The following GAD1 variants were observed in gnomAD, a reference collection of about 807,000 sequenced individuals.
GAD1 encodes the protein glutamate decarboxylase 1.
GAD1 carries 35 observed loss-of-function variants against 75.2 expected under a neutral mutation model. The observed-to-expected ratio is 0.47, with a 90% CI of 0.36 to 0.62. GAD1 has a LOEUF of 0.62. GAD1 is among the 20% of genes least tolerant of loss of function. GAD1 has a pLI of 0.00. For synonymous variants in GAD1, 257 were observed against 271.9 expected (o/e 0.95, Z 0.54); for missense variants, 490 against 758.5 (o/e 0.65, Z 4.16).
chr2:170,831,764 TTTATATATAATATTTATATTATATA>T (rs1406169117), intron 5 of GAD1, among the ~76,000 whole-genome samples: 1 of 139,156 alleles, frequency 7.2e-6, no homozygotes, highest in Non-Finnish European at 1.6e-5. Context: ...TATATAAATA[TTTATATATAATATTTATATTATATA>T]TTATATATAA....
In GAD1 at chr2:170,829,471, A is replaced by G; in HGVS notation, c.146-4A>G. ...CTCTCTCTGACCAGCTTCTTGTGCC[A>G]TAGGCTTCTTGCAAAGGACCAACAG... is the stretch of plus-strand genomic sequence containing the variant. On this transcript the variant is annotated splice_region_variant and splice_polypyrimidine_tract_variant and intron_variant, in intron 3 of 16. Transcript: ENST00000358196. 2 of 1,612,258 alleles carry G rather than the reference A, an allele frequency of 1.2e-6. No individual in the cohort carries two copies. The highest frequency in any genetic ancestry group is 1.3e-5 in the African/African-American group (1 of 75,000).
rs779807853 is a variant in GAD1, at chr2:170,859,813, C to T, written c.1716C>T (p.Asn572=). 2 of 1,614,180 alleles carry T rather than the reference C, an allele frequency of 1.2e-6. No homozygotes were observed. The highest frequency in any genetic ancestry group is 2.2e-5 in the South Asian group (2 of 91,084). The change falls in exon 17 of 17, where the codon AAC becomes AAT. Residue 572 remains asparagine (N), a synonymous_variant. Transcript: ENST00000358196. The part of the protein sequence containing the change: ...KANFFRMVIS[N]PAATQSDIDF... ...ACTTCTTCCGGATGGTCATCTCCAA[C>T]CCAGCCGCTACCCAGTCTGACATTG...
chr2:170,859,394 C>G (rs1241644084), intron 16 of GAD1, among the ~76,000 whole-genome samples: 1 of 152,126 alleles, frequency 6.6e-6, no homozygotes, highest in Non-Finnish European at 1.5e-5. Flanking sequence ...CAGGCAGTAT[C>G]CTGGGCTCTG....
In GAD1 at chr2:170,829,483, C is replaced by G; in HGVS notation, c.154C>G (p.Gln52Glu). The change falls in exon 4 of 17, where the codon CAA (glutamine) becomes GAA (glutamate). Residue 52 changes from glutamine (Q) to glutamate (E), a missense_variant. Gln to Glu is a conservative substitution (Grantham distance 29). Coordinates refer to ENST00000358196, the MANE Select transcript of GAD1 (RefSeq NM_000817.3). ...KLGLKICGFL[Q>E]RTNSLEEKSR... is the part of the protein sequence containing the mutation. Reference sequence around the variant, plus strand: ...AGCTTCTTGTGCCATAGGCTTCTTGCAAAGGACCAACAGCCTGGAAGAGAA... The same window carrying G: ...AGCTTCTTGTGCCATAGGCTTCTTGGAAAGGACCAACAGCCTGGAAGAGAA... 6.2e-7 allele frequency: 1 copy of G among 1,605,260 alleles called. No homozygotes were observed. Among genetic ancestry groups the G allele is most frequent in the Non-Finnish European group, 8.5e-7 (1 of 1,175,292 alleles).
chr2:170,846,694 G>T (rs1375597274), intron 10 of GAD1, among the ~76,000 whole-genome samples: 1 of 152,230 alleles, frequency 6.6e-6, no homozygotes, highest in Non-Finnish European at 1.5e-5. Flanking sequence ...AAGGAGCAGA[G>T]GTGGAGCTGA....
At chr2:170,848,507 AAAAAAGAAAAAAG>A (rs1321133212) in intron 11 of GAD1, among the ~76,000 whole-genome samples, 1 of 151,868 alleles carries the variant, frequency 6.6e-6, no homozygotes, top group Non-Finnish European at 1.5e-5. Context: ...AAAAAAAAAA[AAAAAAGAAAAAAG>A]AAAAAGAATA....
chr2:170,822,260 T>G (rs1701907291), intron 3 of GAD1, 111 bp downstream of exon 3: 8 of 928,952 alleles, frequency 8.6e-6, no homozygotes, highest in Non-Finnish European at 1.2e-5. Context: ...GGGTCTGATT[T>G]TCTAATGTAA....
rs1357359850 is a variant in GAD1, at chr2:170,860,786, ACTGT to A, written c.*909_*912del. On this transcript the variant is annotated 3_prime_UTR_variant, in exon 17 of 17. Transcript: ENST00000358196. ...CTTAAAATAATGATTTAAGCATTTT[ACTGT>A]CTGTAAGAGAATTCTAAGATTGTAC... is the stretch of plus-strand genomic sequence containing the variant. The A allele has an allele frequency of 2.0e-5, 3 of 152,794 alleles. No individual in the cohort carries two copies. In the South Asian group the frequency reaches 6.2e-4, roughly 32 times the overall value. The allele number at this position is 152,794 out of a possible 1,614,324, so 9.5% of individuals were successfully genotyped here. A position where few individuals can be genotyped will look rare whatever the true frequency, so the allele number is the denominator to read the frequency against.
At chr2:170,842,988 C>T (rs974749468) in intron 6 of GAD1, among the ~76,000 whole-genome samples, 2 of 152,214 alleles carry the variant, frequency 1.3e-5, no homozygotes, top group Non-Finnish European at 2.9e-5. Flanking sequence ...AAAGCTTCCC[C>T]ATGTCACTTA....
chr2:170,815,800 C>T (rs986212778), upstream of GAD1, among the ~76,000 whole-genome samples: 1 of 152,196 alleles, frequency 6.6e-6, no homozygotes, highest in Non-Finnish European at 1.5e-5. Flanking sequence ...AAGAGGCAAG[C>T]CGGCGCGTAA....
rs753205603 is a variant in GAD1 at position 170,831,117 on chromosome 2, C to G, written c.472C>G (p.Leu158Val). ...AGGCATGGAGGGCTTCAACTTGGAG[C>G]TCTCTGACCACCCCGAGTCCCTGGA... ...LEGMEGFNLE[L>V]SDHPESLEQI... Residue 158 changes from leucine (L) to valine (V), a missense_variant, in exon 5 of 17, where the codon CTC becomes GTC. Around this residue, in one of 3 missense-constraint regions of GAD1, gnomAD observed 165 missense variants for 216.4 expected, o/e 0.76. Transcript: ENST00000358196. 1.9e-6 allele frequency: 3 copies of G among 1,614,094 alleles called. No individual in the cohort carries two copies. Among genetic ancestry groups the G allele is most frequent in the East Asian group, 2.2e-5 (1 of 44,892 alleles).
intron 10 of GAD1, 48 bp from the exon 11 acceptor site, chr2:170,847,628 G>C (rs1403077773): frequency 7.9e-7 from 1 of 1,267,920 alleles, no homozygotes; most frequent in East Asian, 2.3e-5. Context: ...ATCAGCAAAT[G>C]AGAAAGGTTA....
In GAD1 at chr2:170,818,379, C is replaced by T. The variant is rs1701769530; in HGVS notation, c.-63-150C>T. On this transcript the variant is annotated intron_variant, in intron 1 of 16. Transcript: ENST00000358196. This position sits in a 1 kb window ranked among gnomAD's most constrained non-coding sequence, Gnocchi z 5.9. ...CCTCCGCTGCCCCCACCCCTGCGCA[C>T]CCCTACCAGGCAGGCTCGCTGCCTT... is the stretch of plus-strand genomic sequence containing the variant. 2 of 606,286 alleles carry T rather than the reference C, an allele frequency of 3.3e-6. No individual in the cohort carries two copies. The highest frequency in any genetic ancestry group is 5.4e-5 in the Admixed American group (2 of 36,834). The allele number at this position is 606,286 out of a possible 1,614,324, so 37.6% of individuals were successfully genotyped here.
chr2:170,854,609 G>A (rs543965890), intron 14 of GAD1, among the ~76,000 whole-genome samples: 3 of 152,246 alleles, frequency 2.0e-5, no homozygotes, highest in East Asian at 1.9e-4. Context: ...GTTTCACCGC[G>A]TTAGCCAGGA....
chr2:170,846,507 CTA>C (rs1455267814), intron 10 of GAD1, among the ~76,000 whole-genome samples: 2 of 152,230 alleles, frequency 1.3e-5, no homozygotes, highest in Non-Finnish European at 2.9e-5. Context: ...TCAACAAACT[CTA>C]TTAAACAAAA....
At chr2:170,852,524 A>G in intron 12 of GAD1, 190 bp from the exon 13 acceptor site, 1 of 631,308 alleles carries the variant, frequency 1.6e-6, no homozygotes, top group Non-Finnish European at 2.9e-6. Context: ...AGTTACTTCT[A>G]AGATATAGTC....
At chr2:170,829,412 C>A (rs914887010) in intron 3 of GAD1, 63 bp from the exon 4 acceptor site, 3 of 1,565,776 alleles carry the variant, frequency 1.9e-6, no homozygotes, top group Non-Finnish European at 2.6e-6. Flanking sequence ...ATTCACTCTG[C>A]AGCTGACCCT....
At chr2:170,826,101 A>G (rs2105765570) in intron 3 of GAD1, among the ~76,000 whole-genome samples, 1 of 152,306 alleles carries the variant, frequency 6.6e-6, no homozygotes, top group Admixed American at 6.5e-5. Flanking sequence ...ACAAAGTGAA[A>G]GACATGTGAC....
At chr2:170,836,496 GCAAAACACAT>G (rs1702378969) in intron 5 of GAD1, among the ~76,000 whole-genome samples, 1 of 152,054 alleles carries the variant, frequency 6.6e-6, no homozygotes, top group East Asian at 1.9e-4. Context: ...ATATATATTG[GCAAAACACAT>G]CAAAACACAA....
Sources: gnomAD v4.1 joint callset for allele counts (sites outside exome capture counted in the v4.1 genomes callset) on GRCh38, gnomAD v4.1.1 for gene constraint, gnomAD v4.1.1 regional missense constraint, Gnocchi (gnomAD v3.1) non-coding constraint, MANE v1.5 for transcripts, NCBI Gene and HGNC (gene_info 2026-07-23, HGNC 2026-07-21) for gene names.